PPM1H: variants seen among roughly 807,000 people sequenced by gnomAD.
PPM1H encodes the protein protein phosphatase, Mg2+/Mn2+ dependent 1H.
In PPM1H, 27 loss-of-function variants were observed where a neutral mutation model predicts 54.9. The observed-to-expected ratio is 0.49, with a 90% confidence interval of 0.36 to 0.68. The LOEUF is 0.68. Ranked by LOEUF, PPM1H falls within the 30% of genes least tolerant of loss-of-function variation. The pLI is 0.00. For synonymous variants in PPM1H, 305 were observed against 270.8 expected (o/e 1.13, Z -1.24); for missense variants, 596 against 667.8 (o/e 0.89, Z 1.19).
chr12:62,689,743 C>A lies in PPM1H; in HGVS notation c.1201G>T (p.Asp401Tyr), dbSNP rs1399292638. ...GLGDHDLKVH[D>Y]SNIYIKPFLS... is the part of the protein sequence containing the mutation. ...AATGGTTTAATGTAGATGTTGGAGTCATGCACCTTCAGGTCATGGTCCCCA... is the reference window on the plus strand; with the variant it reads ...AATGGTTTAATGTAGATGTTGGAGTAATGCACCTTCAGGTCATGGTCCCCA... Residue 401 changes from aspartate (D) to tyrosine (Y), a missense_variant, in exon 8 of 10, where the codon GAC (aspartate) becomes TAC (tyrosine). Asp to Tyr is a radical substitution (Grantham distance 160). Coordinates refer to ENST00000228705, the MANE Select transcript of PPM1H (RefSeq NM_020700.2). 6.2e-7 allele frequency: 1 copy of A among 1,613,728 alleles called. No homozygotes were observed. Among genetic ancestry groups the A allele is most frequent in the Non-Finnish European group, 8.5e-7 (1 of 1,179,848 alleles).
At chr12:62,897,827 G>A (rs912777885) in intron 1 of PPM1H, among the ~76,000 whole-genome samples, 1 of 152,184 alleles carries the variant, frequency 6.6e-6, no homozygotes, top group Non-Finnish European at 1.5e-5. Flanking sequence ...TTCTCGGGGA[G>A]CACCATGAGA....
intron 1 of PPM1H, among the ~76,000 whole-genome samples, chr12:62,904,701 G>A (rs757499058): frequency 2.6e-5 from 4 of 152,158 alleles, no homozygotes; most frequent in South Asian, 2.1e-4. Context: ...TTAAAGCTAC[G>A]GAGGTTGGTG....
At chr12:62,678,482 A>C (rs1468833295) in intron 8 of PPM1H, among the ~76,000 whole-genome samples, 3 of 152,196 alleles carry the variant, frequency 2.0e-5, no homozygotes, top group African/African-American at 7.2e-5. Context: ...GTGTCAGAGT[A>C]AATCTCAAGT....
chr12:62,884,497 A>G (rs1681998), intron 1 of PPM1H, among the ~76,000 whole-genome samples: 5,186 of 127,962 alleles, frequency 0.041, 289 homozygotes, highest in African/African-American at 0.14. Flanking sequence ...ATGAAACTCC[A>G]TATCAAAAAA....
intron 1 of PPM1H, among the ~76,000 whole-genome samples, chr12:62,880,106 G>A (rs2121038596): frequency 6.6e-6 from 1 of 152,260 alleles, no homozygotes; most frequent in South Asian, 2.1e-4. Context: ...TGAAAGGAGA[G>A]AGAGAGAAAA....
At position 62,857,521 on chromosome 12, in the gene PPM1H, C is replaced by T. The variant is rs147007528; in HGVS notation, c.246-25242G>A. Among the ~76,000 whole-genome samples the T allele has an allele frequency of 1.6e-3, 243 of 152,260 alleles. 1 individual carries two copies. The highest frequency in any genetic ancestry group is 2.5e-3 in the Non-Finnish European group (169 of 68,006). ...ATTATAAATCACTCCAAAGACATAA[C>T]ATCTGCTTATAAAACAGCCTCACAT... On this transcript the variant is annotated intron_variant, in intron 1 of 9. Coordinates refer to ENST00000228705, the MANE Select transcript of PPM1H (RefSeq NM_020700.2).
rs776895562 is a variant in PPM1H, at chr12:62,801,893, T to TG, written c.678dup (p.Thr227HisfsTer12). On this transcript the variant is annotated frameshift_variant, in exon 3 of 10. Coordinates refer to ENST00000228705, the MANE Select transcript of PPM1H (RefSeq NM_020700.2). LOFTEE classifies it high-confidence loss of function. ...ATCTTCTTCTCGGTAAAGAAGCGTG[T>TG]GGGGGGCGTGCTGGGGGAGCCCGGG... 1.9e-6 allele frequency: 3 copies of TG among 1,613,668 alleles called. No individual in the cohort carries two copies. Among genetic ancestry groups the TG allele is most frequent in the Non-Finnish European group, 2.5e-6 (3 of 1,179,746 alleles).
At chr12:62,690,230 TTC>T (rs1338900571) in intron 7 of PPM1H, among the ~76,000 whole-genome samples, 7 of 152,142 alleles carry the variant, frequency 4.6e-5, no homozygotes, top group African/African-American at 1.7e-4. Context: ...CCACCAATCT[TTC>T]TGTTACATAT....
chr12:62,777,461 A>T (rs988015048), intron 4 of PPM1H, among the ~76,000 whole-genome samples: 4 of 152,198 alleles, frequency 2.6e-5, no homozygotes, highest in African/African-American at 9.7e-5. Context: ...AAAAATATTC[A>T]TTGAATCCTG....
At chr12:62,711,242 T>C (rs906504165) in intron 6 of PPM1H, among the ~76,000 whole-genome samples, 4 of 152,230 alleles carry the variant, frequency 2.6e-5, no homozygotes, top group African/African-American at 9.6e-5. Context: ...TCCACCCGCT[T>C]CAGCCTCCCA....
chr12:62,652,214 T>C (rs1281326178), intron 9 of PPM1H, among the ~76,000 whole-genome samples: 1 of 152,142 alleles, frequency 6.6e-6, no homozygotes, highest in Non-Finnish European at 1.5e-5. Context: ...TTCTAAACTT[T>C]GCATTATTAT....
At chr12:62,819,116 C>CT (rs2120806085) in intron 2 of PPM1H, among the ~76,000 whole-genome samples, 1 of 145,520 alleles carries the variant, frequency 6.9e-6, no homozygotes, top group East Asian at 2.1e-4. Flanking sequence ...GCCACTGCGC[C>CT]GGCCAAAACA....
At chr12:62,792,927 T>C (rs2120719100) in intron 3 of PPM1H, among the ~76,000 whole-genome samples, 1 of 152,326 alleles carries the variant, frequency 6.6e-6, no homozygotes, top group South Asian at 2.1e-4. Context: ...TTTCTTCAAA[T>C]CCTCACCTTT....
intron 1 of PPM1H, among the ~76,000 whole-genome samples, chr12:62,920,837 C>G (rs1368075510): frequency 6.6e-6 from 1 of 152,126 alleles, no homozygotes; most frequent in Non-Finnish European, 1.5e-5. Flanking sequence ...TTCAAAAAGG[C>G]ATATAATGAC....
At chr12:62,687,137 T>G (rs1334285165) in intron 8 of PPM1H, among the ~76,000 whole-genome samples, 2 of 152,254 alleles carry the variant, frequency 1.3e-5, no homozygotes, top group South Asian at 2.1e-4. Context: ...GTGGCAGAAC[T>G]CCATGTGAGG....
At chr12:62,851,301 CT>C (rs1869178230) in intron 1 of PPM1H, among the ~76,000 whole-genome samples, 1 of 152,118 alleles carries the variant, frequency 6.6e-6, no homozygotes, top group South Asian at 2.1e-4. Flanking sequence ...TTTGAAGGGG[CT>C]ATCACTGGTT....
At chr12:62,742,576 C>T (rs2076387825) in intron 4 of PPM1H, among the ~76,000 whole-genome samples, 1 of 152,246 alleles carries the variant, frequency 6.6e-6, no homozygotes, top group Non-Finnish European at 1.5e-5. Context: ...TCTGTCATCA[C>T]AGGACCCCTG....
At chr12:62,746,659 C>T (rs1174763461) in intron 4 of PPM1H, among the ~76,000 whole-genome samples, 1 of 152,238 alleles carries the variant, frequency 6.6e-6, no homozygotes. Context: ...TGGGAGATAT[C>T]TCCCTTGTTC....
chr12:62,801,879 G>C lies in PPM1H; in HGVS notation c.693C>G (p.Thr231=). The C allele has an allele frequency of 6.2e-7, 1 of 1,613,848 alleles. No individual in the cohort carries two copies. The highest frequency in any genetic ancestry group is 8.5e-7 in the Non-Finnish European group (1 of 1,179,778). The part of the protein sequence containing the change: ...SPSTPPTRFF[T]EKKIPHECLV... ...GGCACTCATGGGGAATCTTCTTCTC[G>C]GTAAAGAAGCGTGTGGGGGGCGTGC... The change falls in exon 3 of 10, where the codon ACC becomes ACG. Residue 231 remains threonine, a synonymous_variant. Coordinates refer to ENST00000228705, the MANE Select transcript of PPM1H (RefSeq NM_020700.2).
Sources: allele counts gnomAD v4.1 joint callset (sites outside exome capture counted in the v4.1 genomes callset), GRCh38; gene constraint gnomAD v4.1.1; transcripts MANE v1.5; gene names NCBI Gene and HGNC (gene_info 2026-07-23, HGNC 2026-07-21).